The following TSC22D1 variants were observed in gnomAD, a reference collection of about 807,000 sequenced individuals.
TSC22D1 encodes the protein TSC22 domain family member 1.
TSC22D1 carries 9 observed loss-of-function variants against 74.2 expected under a neutral mutation model. The ratio of observed to expected loss-of-function variants is 0.12; its 90% CI spans 0.07 to 0.21. TSC22D1 has a LOEUF of 0.21. Ranked by LOEUF, TSC22D1 falls within the 10% of genes least tolerant of loss-of-function variation. The pLI, the probability that TSC22D1 is intolerant of heterozygous loss-of-function variation, is 1.00. For synonymous variants in TSC22D1, 586 were observed against 492.5 expected, an observed-to-expected ratio of 1.19 and a Z score of -2.51; for missense variants, 1,427 against 1,304.7, an observed-to-expected ratio of 1.09 and a Z score of -1.44.
At chr13:44,450,942 G>C (rs1319598175) in intron 1 of TSC22D1, among the ~76,000 whole-genome samples, 1 of 152,202 alleles carries the variant, frequency 6.6e-6, no homozygotes, top group Non-Finnish European at 1.5e-5. Flanking sequence ...AAAGACACCT[G>C]AGTTTTCTGT....
chr13:44,458,461 C>T (rs1303769795), intron 1 of TSC22D1, among the ~76,000 whole-genome samples: 2 of 152,200 alleles, frequency 1.3e-5, no homozygotes, highest in Non-Finnish European at 2.9e-5. Flanking sequence ...ACTGCAAAGA[C>T]GCTGGCTGCA....
At chr13:44,547,477 A>G (rs1320344419) in intron 1 of TSC22D1, among the ~76,000 whole-genome samples, 2 of 152,224 alleles carry the variant, frequency 1.3e-5, no homozygotes, top group Non-Finnish European at 2.9e-5. Context: ...GACTACAGCA[A>G]GCATATCATA....
intron 1 of TSC22D1, among the ~76,000 whole-genome samples, chr13:44,491,673 G>C (rs1042377818): frequency 6.6e-6 from 1 of 151,952 alleles, no homozygotes; most frequent in Non-Finnish European, 1.5e-5. Flanking sequence ...TTACGGAAAA[G>C]GAAATATGAA....
intron 1 of TSC22D1, among the ~76,000 whole-genome samples, chr13:44,504,601 C>CA (rs10577341): frequency 0.018 from 1,703 of 97,154 alleles, 21 homozygotes; most frequent in African/African-American, 0.03. Context: ...GAGACTGTCT[C>CA]AAAAAAAAAA....
chr13:44,452,741 T>C (rs1439853748), intron 1 of TSC22D1: 1 of 152,762 alleles, frequency 6.5e-6, no homozygotes, highest in Non-Finnish European at 1.5e-5. Flanking sequence ...AGTGAAGAGT[T>C]GGGGAGAGAT....
At chr13:44,517,857 A>ATATATATATATTTATTTTTTT (rs10627677) in intron 1 of TSC22D1, among the ~76,000 whole-genome samples, 1 of 16,178 alleles carries the variant, frequency 6.2e-5, no homozygotes, top group Non-Finnish European at 1.4e-4. Context: ...ATATATATAT[A>ATATATATATATTTATTTTTTT]TTTTTTTTTT....
At chr13:44,438,787 T>A (rs1159276253) in intron 1 of TSC22D1, among the ~76,000 whole-genome samples, 2 of 152,192 alleles carry the variant, frequency 1.3e-5, no homozygotes, top group African/African-American at 4.8e-5. Context: ...TCCCTATGTC[T>A]ATGAATGCTA....
At chr13:44,440,860 C>T (rs1595078676) in intron 1 of TSC22D1, among the ~76,000 whole-genome samples, 1 of 152,136 alleles carries the variant, frequency 6.6e-6, no homozygotes, top group East Asian at 1.9e-4. Flanking sequence ...CTAAAAGCTT[C>T]CAAATGGAAG....
intron 1 of TSC22D1, chr13:44,536,727 T>C (rs1881147126): frequency 1.0e-6 from 1 of 983,602 alleles, no homozygotes. Flanking sequence ...ATTTACAGTA[T>C]TAACTCAAGA....
intron 1 of TSC22D1, among the ~76,000 whole-genome samples, chr13:44,512,795 G>A (rs776564961): frequency 1.9e-4 from 29 of 152,068 alleles, no homozygotes; most frequent in African/African-American, 4.1e-4. Flanking sequence ...GACTACAGGC[G>A]TGCGCCATCA....
Position 44,533,297 on chromosome 13 carries a change from C to T in TSC22D1, c.2912+39866G>A, listed in dbSNP as rs957048476. Among the ~76,000 whole-genome samples the T allele has an allele frequency of 9.9e-5, 15 of 151,086 alleles. No homozygotes were observed. In the East Asian group the frequency reaches 1.2e-3, roughly 12 times the overall value. On this transcript the variant is annotated intron_variant, in intron 1 of 2. Transcript: ENST00000458659. ...CCAACATGGTGAAACCTCATCTCTACTAGAAGTACAAAAAATTAGCTGGGC... is the reference window on the plus strand; with the variant it reads ...CCAACATGGTGAAACCTCATCTCTATTAGAAGTACAAAAAATTAGCTGGGC...
At chr13:44,464,844 G>A (rs1174948557) in intron 1 of TSC22D1, among the ~76,000 whole-genome samples, 2 of 152,258 alleles carry the variant, frequency 1.3e-5, no homozygotes, top group South Asian at 2.1e-4. Context: ...TTACTGCAGC[G>A]CCCCTGGTTT....
chr13:44,569,254 CAAGA>C (rs1278415653), intron 1 of TSC22D1, among the ~76,000 whole-genome samples: 8 of 151,950 alleles, frequency 5.3e-5, no homozygotes, highest in African/African-American at 1.9e-4. Flanking sequence ...TAGTAAATGA[CAAGA>C]AAGATCAAAT....
chr13:44,505,839 G>A (rs1879423867), intron 1 of TSC22D1, among the ~76,000 whole-genome samples: 1 of 152,168 alleles, frequency 6.6e-6, no homozygotes, highest in African/African-American at 2.4e-5. Context: ...TTAACCTAAA[G>A]GGGCTTATGG....
At chr13:44,513,939 T>C (rs1879851946) in intron 1 of TSC22D1, among the ~76,000 whole-genome samples, 1 of 152,182 alleles carries the variant, frequency 6.6e-6, no homozygotes, top group South Asian at 2.1e-4. Context: ...ACTCAAACCA[T>C]GTAGTAGAAA....
At chr13:44,556,927 T>C (rs928307826) in intron 1 of TSC22D1, among the ~76,000 whole-genome samples, 1 of 142,142 alleles carries the variant, frequency 7.0e-6, no homozygotes, top group Non-Finnish European at 1.5e-5. Flanking sequence ...GCGGATCACC[T>C]GAGGTCGGGA....
chr13:44,576,033 A>G lies in TSC22D1; in HGVS notation c.42T>C (p.Ala14=), dbSNP rs767728121. Residue 14 remains alanine, a synonymous_variant, in exon 1 of 3, where the codon GCT becomes GCC. Coordinates refer to ENST00000458659, the MANE Select transcript of TSC22D1 (RefSeq NM_183422.4). ...CCATCTTCCTAGCGCTAATGTCTGC[A>G]GCGGCGGCGGCCGCGGCGGTGGACT... ...PPESTAAAAA[A]ADISARKMAH... is the part of the protein sequence containing the mutation. The G allele has an allele frequency of 6.3e-7, 1 of 1,579,550 alleles. No individual in the cohort carries two copies. The highest frequency in any genetic ancestry group is 1.3e-5 in the African/African-American group (1 of 74,374).
At chr13:44,486,273 G>C (rs1398112171) in intron 1 of TSC22D1, among the ~76,000 whole-genome samples, 1 of 152,028 alleles carries the variant, frequency 6.6e-6, no homozygotes, top group Admixed American at 6.6e-5. Context: ...ATAAGGGCAT[G>C]CAAATGCTAA....
chr13:44,545,393 C>T (rs1021295222), intron 1 of TSC22D1, among the ~76,000 whole-genome samples: 1 of 151,836 alleles, frequency 6.6e-6, no homozygotes, highest in Non-Finnish European at 1.5e-5. Flanking sequence ...GTGAAAAAGG[C>T]TAGTATATGT....
Sources: allele counts gnomAD v4.1 joint callset (sites outside exome capture counted in the v4.1 genomes callset), GRCh38; gene constraint gnomAD v4.1.1; transcripts MANE v1.5; gene names NCBI Gene and HGNC (gene_info 2026-07-23, HGNC 2026-07-21).